The following ERCC4 variants were observed in gnomAD, a reference collection of about 807,000 sequenced individuals.
ERCC4 encodes ERCC excision repair 4, endonuclease catalytic subunit.
ERCC4 carries 65 observed loss-of-function variants against 76.9 expected under a neutral mutation model. That is an observed-to-expected ratio of 0.84 (90% confidence interval 0.69 to 1.04). ERCC4 has a LOEUF of 1.04. ERCC4 is among the 50% of genes least tolerant of loss of function. ERCC4 has a pLI of 0.00. For synonymous variants in ERCC4, 463 were observed against 410.1 expected, an observed-to-expected ratio of 1.13 and a Z score of -1.56; for missense variants, 1,214 against 1,128.2, an observed-to-expected ratio of 1.08 and a Z score of -1.09.
intron 1 of ERCC4, 120 bp from the exon 2 acceptor site, chr16:13,921,911 G>C (rs560264535): frequency 7.3e-6 from 5 of 681,938 alleles, no homozygotes; most frequent in African/African-American, 5.4e-5. Context: ...AACTTAGTGT[G>C]TATATTCATT....
Position 13,930,714 on chromosome 16 carries a change from TCCG to T in ERCC4, c.800_802del (p.Arg267del). On this transcript the variant is annotated inframe_deletion, in exon 5 of 11. Transcript: ENST00000311895. ...CAAATTTTATTCTTGTTTTAGACAA[TCCG>T]CCATTATCTGGATCCTTTGTGGCAC... 6.2e-7 allele frequency: 1 copy of T among 1,612,748 alleles called. No homozygotes were observed. The highest frequency in any genetic ancestry group is 8.5e-7 in the Non-Finnish European group (1 of 1,178,744).
At chr16:13,922,397 G>A (rs1032984252) in intron 2 of ERCC4, 186 bp downstream of exon 2, 17 of 759,682 alleles carry the variant, frequency 2.2e-5, no homozygotes, top group South Asian at 1.4e-4. Flanking sequence ...GGGGGTGTTC[G>A]GTCCTTGCAG....
intron 6 of ERCC4, 74 bp from the exon 7 acceptor site, chr16:13,934,118 T>G (rs2032236348): frequency 2.2e-6 from 2 of 922,746 alleles, no homozygotes; most frequent in South Asian, 1.4e-5. Flanking sequence ...TGTTATCTGT[T>G]GTTTTAAAAG....
Position 13,935,183 on chromosome 16 carries a change from T to A in ERCC4, c.1251T>A (p.Cys417Ter), listed in dbSNP as rs762738968. Residue 417 changes from cysteine to a stop codon, truncating the protein, a stop_gained, in exon 8 of 11, where the codon TGT becomes TGA. Transcript: ENST00000311895. LOFTEE classifies it high-confidence loss of function. ...TTTGTGCAAGTGATGACCGAACATG[T>A]TCCCAGCTGAGAGACTATATCACTC... ...VLICASDDRTCSQLRDYITLG... is the reference protein window; with the variant it reads ...VLICASDDRT The A allele has an allele frequency of 6.2e-6, 10 of 1,614,140 alleles. No homozygotes were observed. The highest frequency in any genetic ancestry group is 8.5e-6 in the Non-Finnish European group (10 of 1,179,996).
At chr16:13,920,520 G>A in intron 1 of ERCC4, 148 bp downstream of exon 1, 3 of 759,920 alleles carry the variant, frequency 3.9e-6, no homozygotes, top group Non-Finnish European at 6.7e-6. Flanking sequence ...GGATGGCAGG[G>A]GTCCCCAGGG....
intron 9 of ERCC4, among the ~76,000 whole-genome samples, chr16:13,943,568 G>A (rs755284126): frequency 2.6e-5 from 4 of 152,140 alleles, no homozygotes; most frequent in African/African-American, 4.8e-5. Context: ...GGGGATTATC[G>A]GAACTATTAA....
At position 13,920,209 on chromosome 16, in the gene ERCC4, T is replaced by G. The variant is rs1455284562; in HGVS notation, c.44T>G (p.Leu15Arg). The G allele has an allele frequency of 1.2e-6, 2 of 1,607,538 alleles. No homozygotes were observed. The highest frequency in any genetic ancestry group is 8.5e-7 in the Non-Finnish European group (1 of 1,179,922). ...GCTCGACGGATTGCCATGGCGCCGC[T>G]GCTGGAGTACGAGCGACAGCTGGTG... ...QPARRIAMAPLLEYERQLVLE... is the reference protein window; with the variant it reads ...QPARRIAMAPRLEYERQLVLE... The change falls in exon 1 of 11, where the codon CTG becomes CGG. Residue 15 changes from leucine (L) to arginine (R), a missense_variant. Physicochemically the swap from Leu to Arg is moderately radical, Grantham distance 102. Transcript: ENST00000311895.
chr16:13,925,627 T>C (rs1479234569), intron 2 of ERCC4, among the ~76,000 whole-genome samples: 2 of 152,214 alleles, frequency 1.3e-5, no homozygotes, highest in Non-Finnish European at 2.9e-5. Flanking sequence ...TTAGTATTAT[T>C]GTCCATACCC....
At chr16:13,944,887 A>T in intron 10 of ERCC4, 52 bp downstream of exon 10, 1 of 1,179,724 alleles carries the variant, frequency 8.5e-7, no homozygotes, top group Non-Finnish European at 1.3e-6. Context: ...GGGGGCTGTG[A>T]AGTTCCAGAG....
rs201501958 is a variant in ERCC4, at chr16:13,947,862, G to A, written c.2266G>A (p.Val756Met). The A allele has an allele frequency of 9.7e-5, 157 of 1,613,996 alleles. No individual in the cohort carries two copies. Among genetic ancestry groups the A allele is most frequent in the East Asian group, 6.5e-4 (29 of 44,894 alleles). The change falls in exon 11 of 11, where the codon GTG (valine) becomes ATG (methionine). Residue 756 changes from valine to methionine, a missense_variant. Val to Met is a conservative substitution (Grantham distance 21, BLOSUM62 1). Transcript: ENST00000311895. Reference protein sequence around the residue: ...ISMSRYYKRPVLLIEFDPSKP... With the variant: ...ISMSRYYKRPMLLIEFDPSKP... ...CATGTCCCGCTACTACAAGCGTCCC[G>A]TGCTTCTGATTGAGTTTGACCCTAG...
rs983200560 is a variant in ERCC4, at chr16:13,948,453, A to G, written c.*106A>G. ...TGGTTTGCTATTTCATTCTTTTCCAATGCTCTTAATGATTGTACGGTGGAC... is the reference window on the plus strand; with the variant it reads ...TGGTTTGCTATTTCATTCTTTTCCAGTGCTCTTAATGATTGTACGGTGGAC... On this transcript the variant is annotated 3_prime_UTR_variant, in exon 11 of 11. Coordinates refer to ENST00000311895, the MANE Select transcript of ERCC4 (RefSeq NM_005236.3). 2.3e-5 allele frequency: 31 copies of G among 1,322,412 alleles called. No individual in the cohort carries two copies. The highest frequency in any genetic ancestry group is 7.2e-5 in the African/African-American group (5 of 69,188). The allele number at this position is 1,322,412 out of a possible 1,614,324, so 81.9% of individuals were successfully genotyped here.
intron 2 of ERCC4, among the ~76,000 whole-genome samples, chr16:13,925,335 G>C (rs1420132547): frequency 6.6e-6 from 1 of 152,070 alleles, no homozygotes; most frequent in Non-Finnish European, 1.5e-5. Context: ...TTCAATCCAG[G>C]CTAACAAAAT....
intron 2 of ERCC4, among the ~76,000 whole-genome samples, chr16:13,925,808 T>A (rs1216937978): frequency 6.6e-6 from 1 of 152,178 alleles, no homozygotes; most frequent in Non-Finnish European, 1.5e-5. Flanking sequence ...TCTCCCTAAC[T>A]TAGCACTAAT....
chr16:13,926,994 A>G (rs1661869173), intron 3 of ERCC4, among the ~76,000 whole-genome samples: 1 of 152,220 alleles, frequency 6.6e-6, no homozygotes, highest in African/African-American at 2.4e-5. Context: ...GGTCCATCAC[A>G]TCCATCCAAG....
Position 13,934,316 on chromosome 16 carries a change from A to G in ERCC4, c.1213+14A>G. 6.5e-7 allele frequency: 1 copy of G among 1,545,018 alleles called. No homozygotes were observed. Among genetic ancestry groups the G allele is most frequent in the Non-Finnish European group, 8.9e-7 (1 of 1,117,342 alleles). ...TTGGTGGTCCAGGTAGGAAAAAAGG[A>G]GATGAAAACATTTGCTTCCAAAATC... On this transcript the variant is annotated intron_variant, in intron 7 of 10. Coordinates refer to ENST00000311895, the MANE Select transcript of ERCC4 (RefSeq NM_005236.3).
At chr16:13,925,245 T>C (rs1459353321) in intron 2 of ERCC4, among the ~76,000 whole-genome samples, 1 of 152,234 alleles carries the variant, frequency 6.6e-6, no homozygotes, top group Non-Finnish European at 1.5e-5. Context: ...GACAACTTTT[T>C]GGAGCGCAAC....
rs1179803294 is a variant in ERCC4, at chr16:13,950,816, T to G, written c.*2469T>G. The G allele has an allele frequency of 5.1e-6, 1 of 194,384 alleles. No homozygotes were observed. Among genetic ancestry groups the G allele is most frequent in the Non-Finnish European group, 1.1e-5 (1 of 93,290 alleles). The allele number at this position is 194,384 out of a possible 1,614,324, so 12.0% of individuals were successfully genotyped here. On this transcript the variant is annotated 3_prime_UTR_variant, in exon 11 of 11. Coordinates refer to ENST00000311895, the MANE Select transcript of ERCC4 (RefSeq NM_005236.3). ...CTATGAAAGGGGTTTCATTCCAAGT[T>G]GAGTTTTCAAAAAAAAGGTCTTCCT... is the stretch of plus-strand genomic sequence containing the variant.
chr16:13,936,344 T>C (rs1161702029), intron 8 of ERCC4, among the ~76,000 whole-genome samples: 2 of 152,240 alleles, frequency 1.3e-5, no homozygotes, highest in Admixed American at 1.3e-4. Flanking sequence ...GAACTCAGTC[T>C]GAACCAAAAA....
At chr16:13,939,554 G>A (rs1032474483) in intron 9 of ERCC4, among the ~76,000 whole-genome samples, 1 of 152,058 alleles carries the variant, frequency 6.6e-6, no homozygotes, top group African/African-American at 2.4e-5. Flanking sequence ...TGGAAAGGGG[G>A]TTATGTTGAA....
Sources: allele counts gnomAD v4.1 joint callset (sites outside exome capture counted in the v4.1 genomes callset), GRCh38; gene constraint gnomAD v4.1.1; transcripts MANE v1.5; gene names NCBI Gene and HGNC (gene_info 2026-07-23, HGNC 2026-07-21).